Variants in UQCC4 observed in about 807,000 individuals in gnomAD.
UQCC4 encodes ubiquinol-cytochrome c reductase complex assembly factor 4.
chr16:1,420,087 C>A, the UQCC4 span: 2 of 1,613,226 alleles, frequency 1.2e-6, no homozygotes, highest in South Asian at 2.2e-5. Context: ...GATTCTGCTC[C>A]GCCTTCACGC....
the UQCC4 span, chr16:1,420,061 G>C: frequency 1.9e-6 from 3 of 1,612,694 alleles, no homozygotes; most frequent in Non-Finnish European, 2.5e-6. Flanking sequence ...GCGAGGAGCA[G>C]TTTCCGATCT....
At chr16:1,420,495 A>T in the UQCC4 span, 1 of 1,614,168 alleles carries the variant, frequency 6.2e-7, no homozygotes, top group Admixed American at 1.7e-5. Flanking sequence ...AGGAAAACTC[A>T]ATGGGGCGGT....
the UQCC4 span, chr16:1,420,130 C>T: frequency 3.5e-5 from 56 of 1,613,556 alleles, no homozygotes; most frequent in East Asian, 1.0e-3. Flanking sequence ...CATCCACCAG[C>T]CAAGTCCTTC....
At chr16:1,420,201 G>A in the UQCC4 span, 1 of 1,613,988 alleles carries the variant, frequency 6.2e-7, no homozygotes, top group Non-Finnish European at 8.5e-7. Flanking sequence ...CAAATCCGAA[G>A]GGCGGCTGTC....
the UQCC4 span, chr16:1,420,703 G>T: frequency 6.5e-7 from 1 of 1,543,466 alleles, no homozygotes. Context: ...CGGCCGCCGG[G>T]GCACACAAGA....
At chr16:1,420,297 A>G in the UQCC4 span, 3 of 1,614,118 alleles carry the variant, frequency 1.9e-6, no homozygotes, top group South Asian at 3.3e-5. Flanking sequence ...CAGAACGATC[A>G]CTGGGCTCTG....
chr16:1,420,636 G>A, the UQCC4 span: 1 of 1,549,390 alleles, frequency 6.5e-7, no homozygotes, highest in African/African-American at 1.4e-5. Context: ...AGCAGTAAGC[G>A]CTCCGCCCGC....
At chr16:1,420,654 T>C in the UQCC4 span, 2 of 1,551,146 alleles carry the variant, frequency 1.3e-6, no homozygotes, top group African/African-American at 2.7e-5. Context: ...CGCCCGCCGG[T>C]GTCTGCCCTC....
the UQCC4 span, chr16:1,419,924 A>T: frequency 6.8e-7 from 1 of 1,471,220 alleles, no homozygotes; most frequent in Non-Finnish European, 9.2e-7. Context: ...GTGTCACCAG[A>T]AGTGCTTTGG....
At chr16:1,420,463 C>T in the UQCC4 span, 2 of 1,614,264 alleles carry the variant, frequency 1.2e-6, no homozygotes, top group Non-Finnish European at 8.5e-7. Context: ...CACCGACCAG[C>T]GGTGAGGGTT....
the UQCC4 span, chr16:1,420,740 C>A: frequency 2.0e-6 from 3 of 1,536,600 alleles, no homozygotes; most frequent in Non-Finnish European, 2.6e-6. Context: ...CTTGACTCCT[C>A]GACTGACGCC....
chr16:1,420,588 T>G, the UQCC4 span: 1 of 1,600,806 alleles, frequency 6.2e-7, no homozygotes, highest in South Asian at 1.1e-5. Flanking sequence ...AAGCCCAGCC[T>G]ATGAGCCTCA....
chr16:1,420,159 A>ATAG, the UQCC4 span: 2 of 1,613,888 alleles, frequency 1.2e-6, no homozygotes, highest in South Asian at 2.2e-5. Context: ...GGACGCACGC[A>ATAG]TAGCCAGGAC....
At chr16:1,420,029 A>C in the UQCC4 span, 1 of 1,608,888 alleles carries the variant, frequency 6.2e-7, no homozygotes, top group Non-Finnish European at 8.5e-7. Context: ...TGCCGATGGA[A>C]TCCTTGGACA....
the UQCC4 span, chr16:1,420,241 C>T: frequency 1.2e-6 from 2 of 1,613,400 alleles, no homozygotes; most frequent in Non-Finnish European, 1.7e-6. Context: ...CCAGCGGGCA[C>T]CCCGTCAAGT....
At chr16:1,420,337 T>C in the UQCC4 span, 577 of 1,614,184 alleles carry the variant, frequency 3.6e-4, 2 homozygotes, top group African/African-American at 6.4e-3. Context: ...TCTCAACCAC[T>C]GGTCCGCCTC....
At chr16:1,420,574 C>T in the UQCC4 span, 1 of 1,608,268 alleles carries the variant, frequency 6.2e-7, no homozygotes, top group Middle Eastern at 1.7e-4. Context: ...ATGAAGGCTT[C>T]GGGAAGCCCA....
the UQCC4 span, chr16:1,420,067 G>A: frequency 2.6e-4 from 421 of 1,612,822 alleles, no homozygotes; most frequent in African/African-American, 5.0e-3. Context: ...AGCAGTTTCC[G>A]ATCTGCTGAG....
At chr16:1,420,139 T>G in the UQCC4 span, 1 of 1,613,614 alleles carries the variant, frequency 6.2e-7, no homozygotes, top group Non-Finnish European at 8.5e-7. Flanking sequence ...GCCAAGTCCT[T>G]CAGTGCTGAG....
Sources: allele counts gnomAD v4.1 joint callset, GRCh38; gene constraint gnomAD v4.1.1; transcripts MANE v1.5; gene names NCBI Gene and HGNC (gene_info 2026-07-23, HGNC 2026-07-21).